MYH15: variants seen among roughly 807,000 people sequenced by gnomAD.
MYH15 encodes myosin-15.
MYH15 carries 227 observed loss-of-function variants against 240.5 expected under a neutral mutation model. The observed-to-expected ratio is 0.94, with a 90% CI of 0.85 to 1.05. The LOEUF is 1.05. MYH15 is among the 50% of genes least tolerant of loss of function. The pLI, the probability that MYH15 is intolerant of heterozygous loss-of-function variation, is 0.00. For missense variants in MYH15, 2,217 were observed against 2,247.5 expected, an observed-to-expected ratio of 0.99 and a Z score of 0.27; for synonymous variants, 785 against 796.7, an observed-to-expected ratio of 0.99 and a Z score of 0.25.
Position 108,456,887 on chromosome 3 carries a change from G to GAAA in MYH15, c.2021-7_2021-5dup. 1 of 1,424,368 alleles carries GAAA rather than the reference G, an allele frequency of 7.0e-7. No individual in the cohort carries two copies. Among genetic ancestry groups the GAAA allele is most frequent in the Non-Finnish European group, 9.5e-7 (1 of 1,053,458 alleles). 88.2% of individuals were successfully genotyped at this position (1,424,368 alleles called of 1,614,324 possible). On this transcript the variant is annotated splice_polypyrimidine_tract_variant and splice_region_variant and intron_variant, in intron 18 of 40. Coordinates refer to ENST00000693548, the MANE Select transcript of MYH15 (RefSeq NM_014981.3). ...ACCAAGTAAGGGTCCAGTATACCTG[G>GAAA]AAAAAAAAAAGAGTCATGGTGGATC...
chr3:108,501,218 TCTG>T (rs1305750472), intron 3 of MYH15, among the ~76,000 whole-genome samples: 1 of 152,192 alleles, frequency 6.6e-6, no homozygotes, highest in African/African-American at 2.4e-5. Context: ...CAGCACTGTT[TCTG>T]CTGCATAGGT....
In MYH15 at chr3:108,430,566, A is replaced by G. The variant is rs137987068; in HGVS notation, c.3312+266T>C. On this transcript the variant is annotated intron_variant, in intron 26 of 40. Transcript: ENST00000693548. ...GCCAGAAGGATTCATGAGTGAAAAA[A>G]CAAGTTTTGGATTTTAGCACAATGC... Among the ~76,000 whole-genome samples, 28 of 152,334 alleles carry G rather than the reference A, an allele frequency of 1.8e-4. 1 individual carries two copies. The highest frequency in any genetic ancestry group is 6.7e-4 in the African/African-American group (28 of 41,592).
intron 6 of MYH15, among the ~76,000 whole-genome samples, chr3:108,496,251 T>C (rs1419201437): frequency 2.0e-5 from 3 of 152,242 alleles, no homozygotes; most frequent in Non-Finnish European, 2.9e-5. Context: ...CATCCGATCT[T>C]TGCACTTGGA....
At chr3:108,386,248 T>C (rs541703967) in intron 38 of MYH15, among the ~76,000 whole-genome samples, 24 of 152,336 alleles carry the variant, frequency 1.6e-4, no homozygotes, top group Non-Finnish European at 2.9e-4. Flanking sequence ...TGGTTGCTGA[T>C]GTTACTGATG....
In MYH15 at chr3:108,454,113, T is replaced by C. The variant is rs765168047; in HGVS notation, c.2292A>G (p.Gln764=). 1.4e-5 allele frequency: 23 copies of C among 1,611,050 alleles called. No individual in the cohort carries two copies. The highest frequency in any genetic ancestry group is 2.0e-5 in the Non-Finnish European group (23 of 1,178,008). Residue 764 remains glutamine, a synonymous_variant, in exon 21 of 41, where the codon CAA becomes CAG. Transcript: ENST00000693548. ...GTCTCTCATCTCTTATTGCTTCCAG[T>C]TGGCCCAGAAACCCAGCTTTAAAAA... ...KVFFKAGFLG[Q]LEAIRDERLS... is the part of the protein sequence containing the mutation.
chr3:108,435,699 T>TATATATATGTATGTATATTTTATATAC (rs1560361409), intron 25 of MYH15, among the ~76,000 whole-genome samples: 1 of 145,488 alleles, frequency 6.9e-6, no homozygotes, highest in African/African-American at 2.7e-5. Flanking sequence ...TATACATATA[T>TATATATATGTATGTATATTTTATATAC]ATATATATAT....
At chr3:108,536,793 A>G in the MYH15 span, among the ~76,000 whole-genome samples, 1 of 152,188 alleles carries the variant, frequency 6.6e-6, no homozygotes, top group Non-Finnish European at 1.5e-5. Context: ...CTTACGGGAT[A>G]CCTCAGCATT....
intron 11 of MYH15, among the ~76,000 whole-genome samples, chr3:108,480,787 T>C (rs988959345): frequency 2.0e-4 from 31 of 152,276 alleles, no homozygotes; most frequent in Admixed American, 5.9e-4. Flanking sequence ...ATGCAGAGTT[T>C]AGGATACTAG....
At chr3:108,458,053 A>T (rs1029487996) in intron 18 of MYH15, among the ~76,000 whole-genome samples, 4 of 151,642 alleles carry the variant, frequency 2.6e-5, no homozygotes, top group African/African-American at 4.8e-5. Context: ...GTCTCAAATT[A>T]TTTTTTTTAA....
intron 38 of MYH15, among the ~76,000 whole-genome samples, chr3:108,385,846 C>G (rs2082379672): frequency 6.6e-6 from 1 of 151,954 alleles, no homozygotes. Flanking sequence ...CCCAGAGCTC[C>G]CCTGCTCACT....
rs1318304861 is a variant in MYH15, at chr3:108,417,010, G to C, written c.3830-80C>G. 8.8e-6 allele frequency: 10 copies of C among 1,133,768 alleles called. No homozygotes were observed. In the East Asian group the frequency reaches 1.4e-4, roughly 16 times the overall value. 70.2% of individuals were successfully genotyped at this position (1,133,768 alleles called of 1,614,324 possible). A position where few individuals can be genotyped will look rare whatever the true frequency, so the allele number is the denominator to read the frequency against. On this transcript the variant is annotated intron_variant, in intron 28 of 40. Coordinates refer to ENST00000693548, the MANE Select transcript of MYH15 (RefSeq NM_014981.3). ...CTTCACTTGACTTACTGACTTTAAG[G>C]GTAGCCAGAATGACTCCTACCCACA...
At chr3:108,535,394 G>T in the MYH15 span, among the ~76,000 whole-genome samples, 1 of 152,158 alleles carries the variant, frequency 6.6e-6, no homozygotes, top group Non-Finnish European at 1.5e-5. Context: ...GTGTCCTCAT[G>T]TGGTGGGGGG....
At chr3:108,452,674 C>T (rs909211039) in intron 21 of MYH15, among the ~76,000 whole-genome samples, 1 of 152,000 alleles carries the variant, frequency 6.6e-6, no homozygotes, top group East Asian at 1.9e-4. Context: ...TGAAAACATA[C>T]TTTTATATAA....
chr3:108,551,005 G>C, the MYH15 span: 24 of 374,462 alleles, frequency 6.4e-5, no homozygotes, highest in African/African-American at 4.8e-4. Flanking sequence ...TAAAAAACAT[G>C]CAACAGATCA....
At chr3:108,434,741 AT>A (rs1360869621) in intron 25 of MYH15, among the ~76,000 whole-genome samples, 1 of 152,162 alleles carries the variant, frequency 6.6e-6, no homozygotes, top group Non-Finnish European at 1.5e-5. Context: ...TGCCCCTTGT[AT>A]ACATGAGAGT....
At chr3:108,545,312 A>C in the MYH15 span, among the ~76,000 whole-genome samples, 1 of 152,140 alleles carries the variant, frequency 6.6e-6, no homozygotes, top group Non-Finnish European at 1.5e-5. Context: ...GAGAATCTTT[A>C]CCGTTCATTT....
chr3:108,435,370 T>C (rs1220325335), intron 25 of MYH15, among the ~76,000 whole-genome samples: 1 of 152,156 alleles, frequency 6.6e-6, no homozygotes, highest in African/African-American at 2.4e-5. Flanking sequence ...AAATGTAGTA[T>C]TGTTAACTAC....
At chr3:108,528,723 A>T (rs558086381) in intron 1 of MYH15, among the ~76,000 whole-genome samples, 2 of 152,320 alleles carry the variant, frequency 1.3e-5, no homozygotes, top group African/African-American at 4.8e-5. Flanking sequence ...CGACTACACA[A>T]GGTCACAGTG....
chr3:108,388,966 G>A lies in MYH15; in HGVS notation c.5535+4C>T, dbSNP rs1454544396. On this transcript the variant is annotated splice_donor_region_variant and intron_variant, in intron 38 of 40. Coordinates refer to ENST00000693548, the MANE Select transcript of MYH15 (RefSeq NM_014981.3). ...GACAAACAGGGAATGGTTTCCTGGA[G>A]TACCTGATAGGTCAGCTCTTTGATG... 1 of 1,612,664 alleles carries A rather than the reference G, an allele frequency of 6.2e-7. No homozygotes were observed. Among genetic ancestry groups the A allele is most frequent in the Non-Finnish European group, 8.5e-7 (1 of 1,179,128 alleles).
Sources: allele counts gnomAD v4.1 joint callset (sites outside exome capture counted in the v4.1 genomes callset), GRCh38; gene constraint gnomAD v4.1.1; transcripts MANE v1.5; gene names NCBI Gene and HGNC (gene_info 2026-07-23, HGNC 2026-07-21).